PCDHGA2: variants seen among roughly 807,000 people sequenced by gnomAD.
The protein encoded by PCDHGA2 is protocadherin gamma subfamily A, 2.
In PCDHGA2, 40 loss-of-function variants were observed where a neutral mutation model predicts 59.2. That is an observed-to-expected ratio of 0.68 (90% CI 0.52 to 0.88). The LOEUF is 0.88. Among genes scored for constraint, PCDHGA2 ranks in the 40% least tolerant of loss-of-function variants. The pLI is 0.00. For missense variants in PCDHGA2, 1,226 were observed against 1,204.0 expected, an observed-to-expected ratio of 1.02 and a Z score of -0.27; for synonymous variants, 560 against 526.0, an observed-to-expected ratio of 1.06 and a Z score of -0.89.
chr5:141,385,219 A>C, intron 1 of PCDHGA2: 1 of 1,614,236 alleles, frequency 6.2e-7, no homozygotes, highest in Non-Finnish European at 8.5e-7. Flanking sequence ...CCCCCAGCCC[A>C]ACTATGTAGA....
intron 1 of PCDHGA2, chr5:141,384,690 T>C (rs368242169): frequency 4.7e-5 from 76 of 1,613,884 alleles, no homozygotes; most frequent in Non-Finnish European, 5.9e-5. Context: ...TGGACAAAGA[T>C]TCAGGCCAGA....
chr5:141,395,070 T>G lies in PCDHGA2; in HGVS notation c.2424+53675T>G. Reference sequence around the variant, plus strand: ...GGAGGTACAGGCTTTCCTGCAGACCTATTCCCAGGAAGTCTCCCTCACCGC... The same window carrying G: ...GGAGGTACAGGCTTTCCTGCAGACCGATTCCCAGGAAGTCTCCCTCACCGC... On this transcript the variant is annotated intron_variant, in intron 1 of 3. Transcript: ENST00000394576. 1 of 1,614,158 alleles carries G rather than the reference T, an allele frequency of 6.2e-7. No homozygotes were observed. The highest frequency in any genetic ancestry group is 1.3e-5 in the African/African-American group (1 of 75,046).
chr5:141,471,046 CTTTTT>C (rs1170588345), intron 1 of PCDHGA2, among the ~76,000 whole-genome samples: 2 of 113,276 alleles, frequency 1.8e-5, no homozygotes, highest in Non-Finnish European at 3.6e-5. Context: ...CCCAAGCCCT[CTTTTT>C]TTTTTTTTTT....
Position 141,477,312 on chromosome 5 carries a change from TTACTTC to T in PCDHGA2, c.2425-17493_2425-17488del, listed in dbSNP as rs773034406. Reference sequence around the variant, plus strand: ...GTTCCACCGGGTCTCCCTTTCAGCCTTACTTCTTCCCTCAAGAATTACTTCACTTTG... The same window carrying T: ...GTTCCACCGGGTCTCCCTTTCAGCCTTTCCCTCAAGAATTACTTCACTTTG... On this transcript the variant is annotated intron_variant, in intron 1 of 3. Coordinates refer to ENST00000394576, the MANE Select transcript of PCDHGA2 (RefSeq NM_018915.4). The surrounding 1 kb of genome is among the most constrained non-coding windows in gnomAD (Gnocchi z 4.9). The T allele has an allele frequency of 2.5e-6, 4 of 1,614,162 alleles. No homozygotes were observed. Among genetic ancestry groups the T allele is most frequent in the Non-Finnish European group, 3.4e-6 (4 of 1,180,032 alleles).
chr5:141,482,530 C>CA (rs3074545), intron 1 of PCDHGA2, among the ~76,000 whole-genome samples: 3,839 of 76,186 alleles, frequency 0.05, 137 homozygotes, highest in East Asian at 0.1. Context: ...GACAGACATG[C>CA]AAAAAAAAAA....
At chr5:141,375,054 G>A (rs749207935) in intron 1 of PCDHGA2, 3 of 1,614,004 alleles carry the variant, frequency 1.9e-6, no homozygotes, top group Non-Finnish European at 2.5e-6. Flanking sequence ...GCCCGGGATG[G>A]GCCAGGTCTT....
chr5:141,385,108 A>G, intron 1 of PCDHGA2: 3 of 1,614,126 alleles, frequency 1.9e-6, no homozygotes. Context: ...GAACGTGCCC[A>G]CCTCGCACTT....
chr5:141,490,476 G>A lies in PCDHGA2; in HGVS notation c.2425-4331G>A. 1 of 1,614,208 alleles carries A rather than the reference G, an allele frequency of 6.2e-7. No homozygotes were observed. The highest frequency in any genetic ancestry group is 8.5e-7 in the Non-Finnish European group (1 of 1,180,046). On this transcript the variant is annotated intron_variant, in intron 1 of 3. Transcript: ENST00000394576. The surrounding 1 kb of genome is among the most constrained non-coding windows in gnomAD (Gnocchi z 5.4). ...ACTCGCTGCTAACCAGCCAGCCTTT[G>A]GACCGGGAGGCCACATCCCACTATA...
chr5:141,506,896 T>C (rs1417106112), intron 3 of PCDHGA2, among the ~76,000 whole-genome samples: 3 of 152,158 alleles, frequency 2.0e-5, no homozygotes, highest in African/African-American at 7.2e-5. Flanking sequence ...CAAGAAGCAC[T>C]GTCATCACAC....
intron 1 of PCDHGA2, chr5:141,383,576 C>T (rs1298305290): frequency 6.2e-7 from 1 of 1,613,446 alleles, no homozygotes; most frequent in Non-Finnish European, 8.5e-7. Flanking sequence ...TCCAGCACCG[C>T]CCACATCCAG....
At chr5:141,388,784 T>A in intron 1 of PCDHGA2, 1 of 1,613,942 alleles carries the variant, frequency 6.2e-7, no homozygotes, top group Non-Finnish European at 8.5e-7. Flanking sequence ...GGGAAATTAC[T>A]GTTTTAAATA....
Position 141,501,290 on chromosome 5 carries a change from TACACACAC to T in PCDHGA2, c.2484-4066_2484-4059del, listed in dbSNP as rs55762287. 3.7e-3 allele frequency among the ~76,000 whole-genome samples: 499 copies of T among 136,222 alleles called. 2 individuals carry two copies. Among genetic ancestry groups the T allele is most frequent in the Middle Eastern group, 0.033 (9 of 270 alleles). 89.4% of individuals were successfully genotyped at this position (136,222 alleles called of 152,430 possible). On this transcript the variant is annotated intron_variant, in intron 2 of 3. Transcript: ENST00000394576. ...GTCCAGTCTATGGGATATTCCCTTA[TACACACAC>T]ACACACACACACACACACACACACA... is the stretch of plus-strand genomic sequence containing the variant.
Position 141,432,617 on chromosome 5 carries a change from G to A in PCDHGA2, c.2425-62190G>A. The A allele has an allele frequency of 6.2e-7, 1 of 1,613,694 alleles. No individual in the cohort carries two copies. Among genetic ancestry groups the A allele is most frequent in the South Asian group, 1.1e-5 (1 of 91,044 alleles). On this transcript the variant is annotated intron_variant, in intron 1 of 3. Coordinates refer to ENST00000394576, the MANE Select transcript of PCDHGA2 (RefSeq NM_018915.4). This position sits in a 1 kb window ranked among gnomAD's most constrained non-coding sequence, Gnocchi z 6.0. ...CAGCGAGCCGGGACTCTTCTCGGTGGGTCTGCACACGGGCGAGGTGCGCAC... is the reference window on the plus strand; with the variant it reads ...CAGCGAGCCGGGACTCTTCTCGGTGAGTCTGCACACGGGCGAGGTGCGCAC...
intron 1 of PCDHGA2, chr5:141,409,914 G>C: frequency 6.2e-7 from 1 of 1,613,348 alleles, no homozygotes; most frequent in East Asian, 2.2e-5. Context: ...GGTCCTGACG[G>C]CTCCGCGTTC....
intron 1 of PCDHGA2, among the ~76,000 whole-genome samples, chr5:141,454,836 C>T (rs1201514890): frequency 1.3e-4 from 11 of 85,100 alleles, no homozygotes; most frequent in African/African-American, 2.1e-4. Context: ...GAGACAGAGT[C>T]GCGCTCTGTC....
intron 1 of PCDHGA2, chr5:141,418,503 T>G (rs2096264259): frequency 6.2e-7 from 1 of 1,613,828 alleles, no homozygotes. Flanking sequence ...CTGACCGCCT[T>G]AGATGGTGGG....
chr5:141,395,343 G>T (rs903122712), intron 1 of PCDHGA2: 1 of 1,396,676 alleles, frequency 7.2e-7, no homozygotes, highest in Non-Finnish European at 9.5e-7. Flanking sequence ...TTTTTAAGGT[G>T]TATCACAGAG....
At chr5:141,346,654 G>A (rs1757787682) in intron 1 of PCDHGA2, 15 of 777,668 alleles carry the variant, frequency 1.9e-5, no homozygotes, top group Non-Finnish European at 2.8e-5. Context: ...TGGGCTTAGG[G>A]AAAAAATAAT....
chr5:141,504,010 C>G (rs980812107), intron 2 of PCDHGA2, among the ~76,000 whole-genome samples: 9 of 152,204 alleles, frequency 5.9e-5, no homozygotes, highest in African/African-American at 1.2e-4. Context: ...TTAACTGTCT[C>G]TGCTGGTCTC....
Sources: gnomAD v4.1 joint callset for allele counts (sites outside exome capture counted in the v4.1 genomes callset) on GRCh38, gnomAD v4.1.1 for gene constraint, Gnocchi (gnomAD v3.1) non-coding constraint, MANE v1.5 for transcripts, NCBI Gene and HGNC (gene_info 2026-07-23, HGNC 2026-07-21) for gene names.